The following ERBB4 variants were observed in gnomAD, a reference collection of about 807,000 sequenced individuals.
The protein encoded by ERBB4 is erb-b2 receptor tyrosine kinase 4, also known as receptor tyrosine-protein kinase erbB-4.
A neutral mutation model predicts 158.0 loss-of-function variants in ERBB4; 42 were observed. The ratio of observed to expected loss-of-function variants is 0.27; its 90% CI spans 0.21 to 0.34. The LOEUF is 0.34. ERBB4 is among the 10% of genes least tolerant of loss of function. ERBB4 has a pLI of 1.00. For synonymous variants in ERBB4, 583 were observed against 558.7 expected (o/e 1.04, Z -0.61); for missense variants, 1,333 against 1,624.1 (o/e 0.82, Z 3.08).
intron 1 of ERBB4, among the ~76,000 whole-genome samples, chr2:212,354,586 A>G (rs573213247): frequency 1.3e-5 from 2 of 152,272 alleles, no homozygotes; most frequent in African/African-American, 4.8e-5. Flanking sequence ...TTACACCAGC[A>G]ATTTCAAAAG....
chr2:212,445,339 C>T (rs2092326526), intron 1 of ERBB4, among the ~76,000 whole-genome samples: 1 of 152,116 alleles, frequency 6.6e-6, no homozygotes, highest in Admixed American at 6.5e-5. Flanking sequence ...CCATTAACCC[C>T]AGTGATCCAC....
chr2:212,033,314 T>C (rs2076943939), intron 2 of ERBB4, among the ~76,000 whole-genome samples: 1 of 151,944 alleles, frequency 6.6e-6, no homozygotes, highest in Non-Finnish European at 1.5e-5. Context: ...AAAGAGAAGC[T>C]GGGTATGTAG....
chr2:212,326,921 G>A (rs1473637110), intron 1 of ERBB4, among the ~76,000 whole-genome samples: 1 of 150,910 alleles, frequency 6.6e-6, no homozygotes. Flanking sequence ...CAGGAACGAA[G>A]GAATTCTAAC....
chr2:211,968,927 T>C (rs1293186139), intron 2 of ERBB4, among the ~76,000 whole-genome samples: 5 of 151,990 alleles, frequency 3.3e-5, no homozygotes, highest in Admixed American at 2.6e-4. Context: ...GAAGGACCTA[T>C]TCAAATTGAA....
chr2:211,980,697 C>T (rs2081766591), intron 2 of ERBB4, among the ~76,000 whole-genome samples: 1 of 151,840 alleles, frequency 6.6e-6, no homozygotes, highest in South Asian at 2.1e-4. Context: ...TTAAACATTC[C>T]CAGAAAAAAA....
rs538971513 is a variant in ERBB4 at position 211,529,396 on chromosome 2, G to A, written c.2487+32507C>T. Among the ~76,000 whole-genome samples, 19 of 152,010 alleles carry A rather than the reference G, an allele frequency of 1.2e-4. No homozygotes were observed. The South Asian group carries it at 2.5e-3, about 20-fold the overall frequency. ...AGCAAAGAAAAGCCCAGGATCTGAC[G>A]GCTTCACTGCTGAACTCTACCAAAT... On this transcript the variant is annotated intron_variant, in intron 20 of 27. Coordinates refer to ENST00000342788, the MANE Select transcript of ERBB4 (RefSeq NM_005235.3).
intron 1 of ERBB4, among the ~76,000 whole-genome samples, chr2:212,289,806 A>G (rs1372351359): frequency 6.6e-6 from 1 of 152,194 alleles, no homozygotes; most frequent in East Asian, 1.9e-4. Context: ...ATTTTGAAAA[A>G]ACAAAAAACT....
chr2:211,951,558 G>C lies in ERBB4; in HGVS notation c.235-3942C>G, dbSNP rs2080876609. On this transcript the variant is annotated intron_variant, in intron 2 of 27. Transcript: ENST00000342788. ...CATATTACTAAATATATTTATATTTGAATTAATTGTGTTGTAATATTTACA... is the reference window on the plus strand; with the variant it reads ...CATATTACTAAATATATTTATATTTCAATTAATTGTGTTGTAATATTTACA... Among the ~76,000 whole-genome samples, 5 of 152,136 alleles carry C rather than the reference G, an allele frequency of 3.3e-5. No homozygotes were observed. The South Asian group carries it at 1.0e-3, about 32-fold the overall frequency.
At chr2:212,208,491 C>T (rs935817610) in intron 1 of ERBB4, among the ~76,000 whole-genome samples, 7 of 151,966 alleles carry the variant, frequency 4.6e-5, no homozygotes, top group African/African-American at 1.7e-4. Context: ...AGGGCTAAGG[C>T]AAGAGATTAT....
chr2:212,430,040 A>G (rs1393741255), intron 1 of ERBB4, among the ~76,000 whole-genome samples: 1 of 152,220 alleles, frequency 6.6e-6, no homozygotes, highest in Admixed American at 6.5e-5. Flanking sequence ...CCACTTAGAC[A>G]TTATAGTTGT....
intron 1 of ERBB4, among the ~76,000 whole-genome samples, chr2:212,467,590 C>A (rs1688902201): frequency 1.3e-5 from 2 of 152,164 alleles, no homozygotes; most frequent in Admixed American, 1.3e-4. Flanking sequence ...GGAACCTCTG[C>A]CTAGATTTCA....
chr2:212,364,693 A>G (rs1398935281), intron 1 of ERBB4, among the ~76,000 whole-genome samples: 3 of 151,804 alleles, frequency 2.0e-5, no homozygotes, highest in African/African-American at 7.2e-5. Context: ...GGCCACTGAC[A>G]TTTGTGGTGG....
At chr2:211,524,845 G>T (rs908078198) in intron 20 of ERBB4, among the ~76,000 whole-genome samples, 1 of 142,126 alleles carries the variant, frequency 7.0e-6, no homozygotes, top group Non-Finnish European at 1.5e-5. Flanking sequence ...GTGGGCTGAA[G>T]GGCTCCTCAG....
At chr2:212,352,895 G>T (rs2089311973) in intron 1 of ERBB4, among the ~76,000 whole-genome samples, 2 of 151,720 alleles carry the variant, frequency 1.3e-5, no homozygotes, top group Admixed American at 1.3e-4. Flanking sequence ...ACAAAATAAA[G>T]AAATAAATTG....
At position 211,710,834 on chromosome 2, in the gene ERBB4, T is replaced by C. The variant is rs572945495; in HGVS notation, c.1124+1216A>G. Among the ~76,000 whole-genome samples the C allele has an allele frequency of 1.8e-4, 27 of 152,180 alleles. No homozygotes were observed. The South Asian group carries it at 5.6e-3, about 32-fold the overall frequency. On this transcript the variant is annotated intron_variant, in intron 9 of 27. Coordinates refer to ENST00000342788, the MANE Select transcript of ERBB4 (RefSeq NM_005235.3). Reference sequence around the variant, plus strand: ...TCTCCTCCTTGGCCTTCCATCATGATTGTGAGGCCTCCCCAGCCATGTGGG... The same window carrying C: ...TCTCCTCCTTGGCCTTCCATCATGACTGTGAGGCCTCCCCAGCCATGTGGG...
intron 20 of ERBB4, among the ~76,000 whole-genome samples, chr2:211,451,627 G>C (rs1379883182): frequency 6.6e-6 from 1 of 152,094 alleles, no homozygotes; most frequent in Non-Finnish European, 1.5e-5. Context: ...GGGGAGGAAA[G>C]GGGAAATAGA....
In ERBB4 at chr2:211,665,394, T is replaced by C; in HGVS notation, c.1800A>G (p.Ala600=). ...CAGCATACTTGAAAATGAAACTGTT[T>C]GCCCCCTGTAAGCCATCTGGACATT... The part of the protein sequence containing the change: ...VEKCPDGLQG[A]NSFIFKYADP... Residue 600 remains alanine (A), a synonymous_variant, in exon 15 of 28, where the codon GCA becomes GCG. Coordinates refer to ENST00000342788, the MANE Select transcript of ERBB4 (RefSeq NM_005235.3). 3 of 1,614,106 alleles carry C rather than the reference T, an allele frequency of 1.9e-6. No individual in the cohort carries two copies. Among genetic ancestry groups the C allele is most frequent in the Non-Finnish European group, 2.5e-6 (3 of 1,180,002 alleles).
intron 1 of ERBB4, among the ~76,000 whole-genome samples, chr2:212,398,074 T>A (rs2091081594): frequency 6.6e-6 from 1 of 150,670 alleles, no homozygotes. Context: ...AAATTAATGA[T>A]CACTGAAATA....
intron 7 of ERBB4, among the ~76,000 whole-genome samples, chr2:211,721,464 A>AAAAAAAAC (rs2074090314): frequency 6.7e-6 from 1 of 149,042 alleles, no homozygotes; most frequent in African/African-American, 2.5e-5. Flanking sequence ...AAAAAAAAAA[A>AAAAAAAAC]ATAGAGTCAA....
Sources: allele counts gnomAD v4.1 joint callset (sites outside exome capture counted in the v4.1 genomes callset), GRCh38; gene constraint gnomAD v4.1.1; transcripts MANE v1.5; gene names NCBI Gene and HGNC (gene_info 2026-07-23, HGNC 2026-07-21).